TMOD3: variants seen among roughly 807,000 people sequenced by gnomAD.
TMOD3 encodes tropomodulin-3.
Under a neutral mutation model 39.2 loss-of-function variants are expected in TMOD3, and 20 were observed. The observed-to-expected ratio is 0.51, with a 90% CI of 0.36 to 0.74. The LOEUF (loss-of-function observed/expected upper bound fraction) is 0.74, where lower values mean the gene tolerates loss of function less well. Among genes scored for constraint, TMOD3 ranks in the 30% least tolerant of loss-of-function variants. The pLI is 0.00. For missense variants in TMOD3, 381 were observed against 412.8 expected (o/e 0.92, Z 0.67); for synonymous variants, 143 against 145.8 (o/e 0.98, Z 0.14).
At chr15:51,843,248 A>G (rs2056320961) in intron 1 of TMOD3, among the ~76,000 whole-genome samples, 1 of 152,192 alleles carries the variant, frequency 6.6e-6, no homozygotes, top group African/African-American at 2.4e-5. Flanking sequence ...GGTAAAAAGG[A>G]TTGTTTAAGA....
intron 9 of TMOD3, among the ~76,000 whole-genome samples, chr15:51,906,053 G>C (rs1183908729): frequency 6.6e-6 from 1 of 151,694 alleles, no homozygotes; most frequent in East Asian, 1.9e-4. Context: ...GATGAGCTGA[G>C]GAATTGCTGG....
At chr15:51,871,324 G>A (rs932946931) in intron 3 of TMOD3, among the ~76,000 whole-genome samples, 1 of 152,174 alleles carries the variant, frequency 6.6e-6, no homozygotes, top group Non-Finnish European at 1.5e-5. Context: ...GCAGCCATAC[G>A]TATGTCAGTG....
rs1272300878 is a variant in TMOD3 at position 51,915,567 on chromosome 15, T to C, written c.*6757T>C. 2 of 152,196 alleles carry C rather than the reference T, an allele frequency of 1.3e-5. No individual in the cohort carries two copies. The highest frequency in any genetic ancestry group is 2.9e-5 in the Non-Finnish European group (2 of 68,044). 9.4% of individuals were successfully genotyped at this position (152,196 alleles called of 1,614,324 possible). On this transcript the variant is annotated 3_prime_UTR_variant, in exon 10 of 10. Transcript: ENST00000308580. ...TCCATTTTTATAAGTATAAAAGCAA[T>C]GAATTTTAACACTGGTATTTAAATA...
intron 3 of TMOD3, among the ~76,000 whole-genome samples, chr15:51,879,856 T>TCACACACACACACACA (rs68117829): frequency 0.023 from 3,226 of 142,564 alleles, 52 homozygotes; most frequent in South Asian, 0.034. Context: ...TCTCTGTCTT[T>TCACACACACACACACA]CACACACACA....
At chr15:51,896,566 CCAGGGTGTGTTA>C in intron 7 of TMOD3, 40 bp downstream of exon 7, 1 of 1,473,300 alleles carries the variant, frequency 6.8e-7, no homozygotes, top group East Asian at 2.3e-5. Context: ...TATGACATGC[CCAGGGTGTGTTA>C]CAGTGGTGAT....
rs766676591 is a variant in TMOD3, at chr15:51,900,278, G to C, written c.859G>C (p.Glu287Gln). ...GTTAAGAGATAATGAAACCCTGGCAGAGCTCAAGATTGACAATCAGGTCAA... is the reference window on the plus strand; with the variant it reads ...GTTAAGAGATAATGAAACCCTGGCACAGCTCAAGATTGACAATCAGGTCAA... ...DALRDNETLA[E>Q]LKIDNQRQQL... Residue 287 changes from glutamate to glutamine, a missense_variant, in exon 8 of 10, where the codon GAG becomes CAG. Glu to Gln is a conservative substitution (Grantham distance 29). Coordinates refer to ENST00000308580, the MANE Select transcript of TMOD3 (RefSeq NM_014547.5). 3 of 1,614,152 alleles carry C rather than the reference G, an allele frequency of 1.9e-6. No homozygotes were observed. The South Asian group carries it at 3.3e-5, about 18-fold the overall frequency.
rs1051639787 is a variant in TMOD3 at position 51,859,852 on chromosome 15, A to C, written c.-74-2959A>C. On this transcript the variant is annotated intron_variant, in intron 1 of 9. Transcript: ENST00000308580. ...GAAGTTATGGCACAGCAACAACTCAAGTCAACTGCTTGTATTGGAATTCTG... is the reference window on the plus strand; with the variant it reads ...GAAGTTATGGCACAGCAACAACTCACGTCAACTGCTTGTATTGGAATTCTG... The C allele has an allele frequency of 2.5e-5, 13 of 525,768 alleles. No individual in the cohort carries two copies. In the African/African-American group the frequency reaches 2.5e-4, roughly 10 times the overall value. The allele number at this position is 525,768 out of a possible 1,614,324, so 32.6% of individuals were successfully genotyped here.
intron 2 of TMOD3, among the ~76,000 whole-genome samples, chr15:51,865,973 A>G (rs912544190): frequency 1.3e-5 from 2 of 152,212 alleles, no homozygotes; most frequent in African/African-American, 4.8e-5. Flanking sequence ...GGCTAGGAAT[A>G]TATTTTACAG....
intron 3 of TMOD3, among the ~76,000 whole-genome samples, chr15:51,878,394 G>GTGTGTGTA (rs1013241169): frequency 6.6e-6 from 1 of 151,968 alleles, no homozygotes; most frequent in Non-Finnish European, 1.5e-5. Flanking sequence ...GTGTGTGTGT[G>GTGTGTGTA]TGTGTGTGTG....
At chr15:51,897,272 G>T (rs2056625636) in intron 7 of TMOD3, among the ~76,000 whole-genome samples, 2 of 151,850 alleles carry the variant, frequency 1.3e-5, no homozygotes, top group South Asian at 4.1e-4. Flanking sequence ...ATGACTCCCA[G>T]TGTTATTATC....
chr15:51,893,990 T>A, intron 6 of TMOD3, 45 bp downstream of exon 6: 1 of 1,485,700 alleles, frequency 6.7e-7, no homozygotes, highest in Non-Finnish European at 9.0e-7. Context: ...TTGAGTTAGT[T>A]GAACCTAGGA....
At chr15:51,867,213 G>A (rs1411860652) in intron 2 of TMOD3, among the ~76,000 whole-genome samples, 1 of 152,230 alleles carries the variant, frequency 6.6e-6, no homozygotes, top group Non-Finnish European at 1.5e-5. Context: ...TAATGTAACA[G>A]TCTCAGCAAG....
At chr15:51,835,652 T>C (rs1413181140) in intron 1 of TMOD3, among the ~76,000 whole-genome samples, 1 of 152,216 alleles carries the variant, frequency 6.6e-6, no homozygotes, top group Non-Finnish European at 1.5e-5. Flanking sequence ...CAATCCTTTG[T>C]GATGCAATTT....
chr15:51,856,238 G>T (rs909597939), intron 1 of TMOD3, among the ~76,000 whole-genome samples: 1 of 152,166 alleles, frequency 6.6e-6, no homozygotes. Context: ...ACTCCAGCCT[G>T]GGTAACAGAA....
At chr15:51,878,795 T>C (rs931883036) in intron 3 of TMOD3, among the ~76,000 whole-genome samples, 9 of 152,344 alleles carry the variant, frequency 5.9e-5, no homozygotes, top group African/African-American at 2.2e-4. Flanking sequence ...TCACAAAGCC[T>C]CTTGGAGATT....
intron 7 of TMOD3, among the ~76,000 whole-genome samples, chr15:51,899,816 G>C (rs1176848666): frequency 6.6e-6 from 1 of 152,210 alleles, no homozygotes; most frequent in Non-Finnish European, 1.5e-5. Flanking sequence ...CCACAAAAAT[G>C]AAGTGATGTG....
At chr15:51,838,717 T>C (rs2056298604) in intron 1 of TMOD3, among the ~76,000 whole-genome samples, 1 of 152,204 alleles carries the variant, frequency 6.6e-6, no homozygotes, top group South Asian at 2.1e-4. Context: ...GTGCCTCCTT[T>C]ACTTTTTCCC....
chr15:51,849,925 C>T (rs1341731763), intron 1 of TMOD3, among the ~76,000 whole-genome samples: 1 of 150,198 alleles, frequency 6.7e-6, no homozygotes, highest in Non-Finnish European at 1.5e-5. Flanking sequence ...CAGAACGAGA[C>T]TCTGTCTCAA....
In TMOD3 at chr15:51,910,498, C is replaced by A. The variant is rs1478953368; in HGVS notation, c.*1688C>A. 2 of 152,240 alleles carry A rather than the reference C, an allele frequency of 1.3e-5. No homozygotes were observed. Among genetic ancestry groups the A allele is most frequent in the East Asian group, 3.9e-4 (2 of 5,192 alleles). 9.4% of individuals were successfully genotyped at this position (152,240 alleles called of 1,614,324 possible). Reference sequence around the variant, plus strand: ...GGCTGAGGCAGGAGAATTGCTTGAACCTGGGAGATGGAGATTGCAGTGAGC... The same window carrying A: ...GGCTGAGGCAGGAGAATTGCTTGAAACTGGGAGATGGAGATTGCAGTGAGC... On this transcript the variant is annotated 3_prime_UTR_variant, in exon 10 of 10. Coordinates refer to ENST00000308580, the MANE Select transcript of TMOD3 (RefSeq NM_014547.5).
Sources: allele counts gnomAD v4.1 joint callset (sites outside exome capture counted in the v4.1 genomes callset), GRCh38; gene constraint gnomAD v4.1.1; transcripts MANE v1.5; gene names NCBI Gene and HGNC (gene_info 2026-07-23, HGNC 2026-07-21).